The following AOX1 variants were observed in gnomAD, a reference collection of about 807,000 sequenced individuals.
The protein encoded by AOX1 is aldehyde oxidase.
AOX1 carries 153 observed loss-of-function variants against 169.5 expected under a neutral mutation model. The observed-to-expected ratio is 0.90, with a 90% confidence interval of 0.79 to 1.03. AOX1 has a LOEUF of 1.03. Ranked by LOEUF, AOX1 falls within the 50% of genes least tolerant of loss-of-function variation. AOX1 has a pLI of 0.00. For synonymous variants in AOX1, 562 were observed against 581.9 expected (o/e 0.97, Z 0.49); for missense variants, 1,656 against 1,663.9 (o/e 1.00, Z 0.08).
intron 26 of AOX1, among the ~76,000 whole-genome samples, chr2:200,653,850 T>C (rs1322829341): frequency 6.6e-6 from 1 of 152,230 alleles, no homozygotes; most frequent in African/African-American, 2.4e-5. Context: ...TTCAACCTTT[T>C]TCATAATTAT....
At chr2:200,636,660 C>T (rs540241116) in intron 21 of AOX1, among the ~76,000 whole-genome samples, 2 of 152,090 alleles carry the variant, frequency 1.3e-5, no homozygotes, top group Non-Finnish European at 2.9e-5. Flanking sequence ...GTCATTATAG[C>T]CAAGTATTGC....
rs139784636 is a variant in AOX1, at chr2:200,621,220, G to A, written c.1975G>A (p.Ala659Thr). 6.3e-5 allele frequency: 102 copies of A among 1,613,910 alleles called. No homozygotes were observed. The African/African-American group carries it at 1.2e-3, about 20-fold the overall frequency. Residue 659 changes from alanine to threonine, a missense_variant, in exon 18 of 35, where the codon GCT (alanine) becomes ACT (threonine). Transcript: ENST00000374700. ...DVNSFCFFTE[A>T]EKFLATDKVF... ...CAACTCCTTCTGCTTTTTTACTGAA[G>A]CTGAGAAATTTCTGGCGACAGATAA...
At position 200,636,173 on chromosome 2, in the gene AOX1, G is replaced by A. The variant is rs908803083; in HGVS notation, c.2347-738G>A. On this transcript the variant is annotated intron_variant, in intron 21 of 34. Coordinates refer to ENST00000374700, the MANE Select transcript of AOX1 (RefSeq NM_001159.4). ...AGACAGAGTCTCGCTTGGTCACCCA[G>A]GCTGGAGTGCAGTGGTGCCGTCTCA... 2.5e-5 allele frequency among the ~76,000 whole-genome samples: 3 copies of A among 120,666 alleles called. No homozygotes were observed. The Admixed American group carries it at 3.6e-4, about 14-fold the overall frequency. The allele number at this position is 120,666 out of a possible 152,430, so 79.2% of individuals were successfully genotyped here. A position where few individuals can be genotyped will look rare whatever the true frequency, so the allele number is the denominator to read the frequency against.
chr2:200,636,394 G>A (rs955416961), intron 21 of AOX1, among the ~76,000 whole-genome samples: 1 of 152,076 alleles, frequency 6.6e-6, no homozygotes, highest in East Asian at 1.9e-4. Flanking sequence ...CTCCCAAAGT[G>A]CTGGGATTAC....
At chr2:200,657,316 A>G (rs758689699) in intron 27 of AOX1, among the ~76,000 whole-genome samples, 16 of 150,452 alleles carry the variant, frequency 1.1e-4, no homozygotes, top group Non-Finnish European at 2.1e-4. Flanking sequence ...AATTGCACCA[A>G]TGTACTCCAG....
rs1263839440 is a variant in AOX1, at chr2:200,609,136, G to C, written c.1059+1G>C. On this transcript the variant is annotated splice_donor_variant, in intron 11 of 34. Coordinates refer to ENST00000374700, the MANE Select transcript of AOX1 (RefSeq NM_001159.4). LOFTEE classifies it high-confidence loss of function. ...TGGGTCCCAGATCAGGAACATGGCT[G>C]TATGTATCTGATGACAGTAAACTCT... 3 of 1,613,732 alleles carry C rather than the reference G, an allele frequency of 1.9e-6. No individual in the cohort carries two copies. Among genetic ancestry groups the C allele is most frequent in the Non-Finnish European group, 2.5e-6 (3 of 1,179,898 alleles).
downstream of AOX1, among the ~76,000 whole-genome samples, chr2:200,680,886 G>A (rs1271672677): frequency 6.6e-6 from 1 of 152,120 alleles, no homozygotes; most frequent in Non-Finnish European, 1.5e-5. Flanking sequence ...CTTACATACT[G>A]AAGATACATT....
At chr2:200,673,438 A>C (rs1185364464), downstream of AOX1, among the ~76,000 whole-genome samples, 2 of 152,188 alleles carry the variant, frequency 1.3e-5, no homozygotes, top group African/African-American at 4.8e-5. Flanking sequence ...ACATCTATTC[A>C]GGCACGAAAT....
intron 21 of AOX1, 73 bp downstream of exon 21, chr2:200,634,988 G>C (rs1559248286): frequency 5.1e-6 from 8 of 1,569,668 alleles, no homozygotes; most frequent in Non-Finnish European, 5.2e-6. Context: ...AGAGCAATTA[G>C]AGGTAAAAGT....
intron 12 of AOX1, 59 bp downstream of exon 12, chr2:200,609,473 T>A: frequency 7.1e-7 from 1 of 1,407,578 alleles, no homozygotes; most frequent in Non-Finnish European, 1.0e-6. Flanking sequence ...TTTTTCTCTC[T>A]GGGGAGGCAG....
At chr2:200,637,659 T>C (rs1051523354) in intron 22 of AOX1, among the ~76,000 whole-genome samples, 2 of 152,136 alleles carry the variant, frequency 1.3e-5, no homozygotes, top group African/African-American at 4.8e-5. Flanking sequence ...TTGATTTAAA[T>C]ATAGACTTTG....
intron 5 of AOX1, among the ~76,000 whole-genome samples, chr2:200,601,632 TA>T (rs59726232): frequency 9.9e-5 from 15 of 150,974 alleles, no homozygotes; most frequent in African/African-American, 2.7e-4. Context: ...TTTTACTTTT[TA>T]AAAAAAAAAT....
intron 27 of AOX1, among the ~76,000 whole-genome samples, 184 bp downstream of exon 27, chr2:200,657,121 C>T (rs756918276): frequency 1.4e-5 from 2 of 140,192 alleles, no homozygotes; most frequent in East Asian, 2.1e-4. Flanking sequence ...TGAAGGAGTT[C>T]GAGACCAGCC....
chr2:200,623,878 G>A lies in AOX1; in HGVS notation c.2019G>A (p.Gln673=). 1 of 1,613,992 alleles carries A rather than the reference G, an allele frequency of 6.2e-7. No homozygotes were observed. The highest frequency in any genetic ancestry group is 8.5e-7 in the Non-Finnish European group (1 of 1,179,964). The change falls in exon 19 of 35, where the codon CAG becomes CAA. Residue 673 remains glutamine, a synonymous_variant. Coordinates refer to ENST00000374700, the MANE Select transcript of AOX1 (RefSeq NM_001159.4). ...TGTCGTAGGTGTTCTGTGTGGGTCA[G>A]CTTGTCTGTGCTGTGCTTGCCGATT... ...LATDKVFCVG[Q]LVCAVLADSE...
chr2:200,657,165 A>AATATATATATATATATATAT (rs1553578034), intron 27 of AOX1, among the ~76,000 whole-genome samples: 3 of 88,366 alleles, frequency 3.4e-5, no homozygotes, highest in Non-Finnish European at 4.0e-5. Flanking sequence ...CTCTACCAAA[A>AATATATATATATATATATAT]ATATATATAT....
intron 31 of AOX1, among the ~76,000 whole-genome samples, chr2:200,665,284 G>A (rs1329713472): frequency 2.0e-5 from 3 of 152,244 alleles, no homozygotes; most frequent in Non-Finnish European, 4.4e-5. Flanking sequence ...GCCTGGTAGA[G>A]TATAGGAGGA....
chr2:200,657,301 G>A (rs2035716673), intron 27 of AOX1, among the ~76,000 whole-genome samples: 1 of 149,640 alleles, frequency 6.7e-6, no homozygotes, highest in Non-Finnish European at 1.5e-5. Context: ...AAGCCTCAGT[G>A]AGCCAATTGC....
At chr2:200,676,029 T>A (rs1445533625), downstream of AOX1, among the ~76,000 whole-genome samples, 1 of 151,072 alleles carries the variant, frequency 6.6e-6, no homozygotes, top group African/African-American at 2.4e-5. Context: ...CATGTATGTA[T>A]CTATGTATAT....
intron 14 of AOX1, 127 bp downstream of exon 14, chr2:200,612,920 G>C: frequency 1.4e-6 from 1 of 710,084 alleles, no homozygotes; most frequent in Admixed American, 3.1e-5. Context: ...TTTAATGGCT[G>C]GGAATTCCAA....
Sources: gnomAD v4.1 joint callset for allele counts (sites outside exome capture counted in the v4.1 genomes callset) on GRCh38, gnomAD v4.1.1 for gene constraint, MANE v1.5 for transcripts, NCBI Gene and HGNC (gene_info 2026-07-23, HGNC 2026-07-21) for gene names.